GABBR2: variants seen among roughly 807,000 people sequenced by gnomAD.
GABBR2 encodes the protein gamma-aminobutyric acid type B receptor subunit 2.
Under a neutral mutation model 105.6 loss-of-function variants are expected in GABBR2, and 23 were observed. The ratio of observed to expected loss-of-function variants is 0.22; its 90% CI spans 0.16 to 0.31. GABBR2 has a LOEUF of 0.31. GABBR2 is among the 10% of genes least tolerant of loss of function. The pLI is 1.00. For synonymous variants in GABBR2, 478 were observed against 499.7 expected (o/e 0.96, Z 0.58); for missense variants, 734 against 1,245.5 (o/e 0.59, Z 6.18).
At chr9:98,294,712 AG>A (rs1830353970) in intron 17 of GABBR2, among the ~76,000 whole-genome samples, 1 of 152,158 alleles carries the variant, frequency 6.6e-6, no homozygotes, top group Non-Finnish European at 1.5e-5. Flanking sequence ...TCCTGACCTC[AG>A]GTGATCCAAC....
chr9:98,378,569 T>C (rs575959809), intron 11 of GABBR2, among the ~76,000 whole-genome samples: 1 of 152,278 alleles, frequency 6.6e-6, no homozygotes, highest in African/African-American at 2.4e-5. Context: ...CTCTTCCAAG[T>C]GCGGTCTGGG....
At chr9:98,568,293 C>A (rs1400909713) in intron 2 of GABBR2, among the ~76,000 whole-genome samples, 1 of 150,228 alleles carries the variant, frequency 6.7e-6, no homozygotes, top group Non-Finnish European at 1.5e-5. Flanking sequence ...TTTAGGGTAC[C>A]ACAGTCAAAT....
chr9:98,308,181 C>T (rs1294829449), intron 14 of GABBR2, among the ~76,000 whole-genome samples: 1 of 152,138 alleles, frequency 6.6e-6, no homozygotes, highest in Non-Finnish European at 1.5e-5. Context: ...TTGCAGTGAG[C>T]AGAGATCCTA....
intron 1 of GABBR2, among the ~76,000 whole-genome samples, chr9:98,624,998 G>A: frequency 6.6e-6 from 1 of 152,148 alleles, no homozygotes; most frequent in East Asian, 1.9e-4. Context: ...TTAACTGCCA[G>A]TAAGCCCTCC....
rs780693472 is a variant in GABBR2 at position 98,362,805 on chromosome 9, C to T, written c.1803G>A (p.Val601=). 6.3e-6 allele frequency: 10 copies of T among 1,597,514 alleles called. No homozygotes were observed. Among genetic ancestry groups the T allele is most frequent in the Admixed American group, 1.7e-5 (1 of 57,512 alleles). ...IIKDQKLLVI[V]GGMLLIDLCI... is the part of the protein sequence containing the mutation. ...ACAGGTCGATCAGCAGCATGCCCCC[C>T]ACGATCACAAGCAGTTTCTGGTCCT... Residue 601 remains valine, a synonymous_variant, in exon 13 of 19, where the codon GTG becomes GTA. Coordinates refer to ENST00000259455, the MANE Select transcript of GABBR2 (RefSeq NM_005458.8).
intron 7 of GABBR2, among the ~76,000 whole-genome samples, chr9:98,429,199 G>A (rs762592484): frequency 6.6e-6 from 1 of 151,762 alleles, no homozygotes; most frequent in Non-Finnish European, 1.5e-5. Context: ...GAGTGCAGTG[G>A]TGCAATCTCG....
intron 14 of GABBR2, among the ~76,000 whole-genome samples, chr9:98,307,139 C>T (rs1335984030): frequency 1.3e-5 from 2 of 152,184 alleles, no homozygotes; most frequent in African/African-American, 4.8e-5. Context: ...GACTGCTTAC[C>T]TCTGGACTAG....
chr9:98,425,222 G>GTGAA (rs3029536), intron 7 of GABBR2, among the ~76,000 whole-genome samples: 16,812 of 151,750 alleles, frequency 0.11, 1,333 homozygotes, highest in African/African-American at 0.23. Flanking sequence ...GAATGAATGG[G>GTGAA]TGAATGAATG....
intron 3 of GABBR2, among the ~76,000 whole-genome samples, chr9:98,536,735 C>T (rs750108038): frequency 6.6e-6 from 1 of 152,164 alleles, no homozygotes; most frequent in Admixed American, 6.5e-5. Flanking sequence ...CTCCCAACAA[C>T]CCTCCAGTTC....
At chr9:98,675,810 G>C (rs142324095) in intron 1 of GABBR2, among the ~76,000 whole-genome samples, 260 of 152,298 alleles carry the variant, frequency 1.7e-3, no homozygotes, top group African/African-American at 6.1e-3. Context: ...ATGAAGTTCA[G>C]GGTGGTATGG....
chr9:98,581,586 G>C (rs964423646), intron 1 of GABBR2, among the ~76,000 whole-genome samples: 5 of 151,998 alleles, frequency 3.3e-5, no homozygotes, highest in African/African-American at 1.2e-4. Context: ...AATTATCCCT[G>C]TTCCTTGATT....
chr9:98,412,770 T>C (rs547617643), intron 7 of GABBR2, among the ~76,000 whole-genome samples: 104 of 152,334 alleles, frequency 6.8e-4, no homozygotes, highest in Non-Finnish European at 1.3e-3. Flanking sequence ...CTTAGCTTAT[T>C]TGACTGTAGG....
intron 11 of GABBR2, among the ~76,000 whole-genome samples, chr9:98,374,963 C>T (rs1284248343): frequency 6.6e-6 from 1 of 152,070 alleles, no homozygotes; most frequent in African/African-American, 2.4e-5. Flanking sequence ...ACTGACCAAC[C>T]ACCTTGTCTC....
In GABBR2 at chr9:98,530,973, G is replaced by A. The variant is rs753050657; in HGVS notation, c.630+10900C>T. On this transcript the variant is annotated intron_variant, in intron 3 of 18. Coordinates refer to ENST00000259455, the MANE Select transcript of GABBR2 (RefSeq NM_005458.8). ...GAGTCCTGCCCTGGGAGCCTGGCCCGGGGCTGGGCAGGTGGCACCAGGAAG... is the reference window on the plus strand; with the variant it reads ...GAGTCCTGCCCTGGGAGCCTGGCCCAGGGCTGGGCAGGTGGCACCAGGAAG... 6.6e-5 allele frequency among the ~76,000 whole-genome samples: 10 copies of A among 152,038 alleles called. 1 individual carries two copies. The highest frequency in any genetic ancestry group is 4.1e-4 in the South Asian group (2 of 4,828).
rs770674486 is a variant in GABBR2 at position 98,473,152 on chromosome 9, T to C, written c.993A>G (p.Ser331=). 12 of 1,608,808 alleles carry C rather than the reference T, an allele frequency of 7.5e-6. No individual in the cohort carries two copies. Among genetic ancestry groups the C allele is most frequent in the Non-Finnish European group, 1.0e-5 (12 of 1,175,574 alleles). ...PLSSKQIKTI[S]GKTPQQYERE... is the part of the protein sequence containing the mutation. The stretch of plus-strand genomic sequence containing the variant: ...TGGGGACCAAGGCACTGACCTTTCC[T>C]GAGATGGTCTTGATCTGCTTGGAGC... The change falls in exon 6 of 19, where the codon TCA becomes TCG. Residue 331 remains serine, a synonymous_variant. Transcript: ENST00000259455.
chr9:98,408,959 C>T (rs757176100), intron 7 of GABBR2, among the ~76,000 whole-genome samples: 5 of 152,110 alleles, frequency 3.3e-5, no homozygotes, highest in Admixed American at 6.5e-5. Flanking sequence ...ACTAGGGGAG[C>T]TGCTTTAGTT....
chr9:98,363,200 G>A (rs140621654), intron 12 of GABBR2, among the ~76,000 whole-genome samples: 57 of 152,084 alleles, frequency 3.7e-4, no homozygotes, highest in African/African-American at 1.3e-3. Context: ...TAAACATCTC[G>A]ATCAATTGTC....
intron 7 of GABBR2, among the ~76,000 whole-genome samples, chr9:98,447,543 G>GTGTGTA (rs1826156211): frequency 1.5e-5 from 1 of 65,398 alleles, no homozygotes; most frequent in Admixed American, 1.5e-4. Context: ...ATGTATGTGT[G>GTGTGTA]TGTGTGTGTG....
At chr9:98,403,756 A>AGATAT (rs1554701359) in intron 8 of GABBR2, among the ~76,000 whole-genome samples, 1 of 145,308 alleles carries the variant, frequency 6.9e-6, no homozygotes, top group African/African-American at 2.6e-5. Flanking sequence ...GAAAAAAAAA[A>AGATAT]ATATATATAT....
Sources: allele counts gnomAD v4.1 joint callset (sites outside exome capture counted in the v4.1 genomes callset), GRCh38; gene constraint gnomAD v4.1.1; transcripts MANE v1.5; gene names NCBI Gene and HGNC (gene_info 2026-07-23, HGNC 2026-07-21).